The following TMC2 variants were observed in gnomAD, a reference collection of about 807,000 sequenced individuals.
TMC2 encodes transmembrane channel-like protein 2.
TMC2 carries 102 observed loss-of-function variants against 105.9 expected under a neutral mutation model. The observed-to-expected ratio is 0.96, with a 90% CI of 0.82 to 1.14. TMC2 has a LOEUF of 1.14. TMC2 is among the 50% of genes most tolerant of loss of function. TMC2 has a pLI of 0.00. For synonymous variants in TMC2, 402 were observed against 422.8 expected (o/e 0.95, Z 0.60); for missense variants, 1,093 against 1,134.3 (o/e 0.96, Z 0.52).
chr20:2,579,367 T>C (rs1425377898), intron 6 of TMC2, 140 bp downstream of exon 6: 1 of 358,392 alleles, frequency 2.8e-6, no homozygotes, highest in African/African-American at 2.1e-5. Flanking sequence ...TTTGAACTTG[T>C]CAGGCCAAGA....
At chr20:2,562,354 C>T (rs2086033328) in intron 4 of TMC2, among the ~76,000 whole-genome samples, 1 of 152,254 alleles carries the variant, frequency 6.6e-6, no homozygotes, top group African/African-American at 2.4e-5. Context: ...GCTTTCTAGA[C>T]CCCTTCTCCT....
In TMC2 at chr20:2,617,235, G is replaced by A; in HGVS notation, c.2104G>A (p.Val702Met). 6.2e-7 allele frequency: 1 copy of A among 1,614,176 alleles called. No homozygotes were observed. The highest frequency in any genetic ancestry group is 8.5e-7 in the Non-Finnish European group (1 of 1,180,028). Reference sequence around the variant, plus strand: ...CTTCTACATGGGCCTCCTGCTGCTGGTGCTCTTCCTCAGCCTCCTGCCGGT... The same window carrying A: ...CTTCTACATGGGCCTCCTGCTGCTGATGCTCTTCCTCAGCCTCCTGCCGGT... ...NNFYMGLLLL[V>M]LFLSLLPVAY... Residue 702 changes from valine (V) to methionine (M), a missense_variant, in exon 16 of 20, where the codon GTG becomes ATG. Physicochemically the swap from Val to Met is conservative, Grantham distance 21. Transcript: ENST00000358864.
At chr20:2,572,307 T>G in intron 5 of TMC2, 38 bp downstream of exon 5, 1 of 1,515,626 alleles carries the variant, frequency 6.6e-7, no homozygotes, top group Non-Finnish European at 9.1e-7. Flanking sequence ...TTGGGAGGGC[T>G]TGCTCAGCTT....
chr20:2,541,631 ACT>A (rs2085890311), intron 2 of TMC2, among the ~76,000 whole-genome samples: 2 of 150,508 alleles, frequency 1.3e-5, no homozygotes, highest in African/African-American at 4.9e-5. Flanking sequence ...ACAGAGCAAG[ACT>A]CTGTCTCAAA....
At chr20:2,596,165 CCT>C (rs1461906427) in intron 9 of TMC2, among the ~76,000 whole-genome samples, 8 of 152,196 alleles carry the variant, frequency 5.3e-5, no homozygotes, top group African/African-American at 1.4e-4. Flanking sequence ...TTATAGCACC[CCT>C]GTTTGGAATT....
At position 2,558,366 on chromosome 20, in the gene TMC2, A is replaced by C; in HGVS notation, c.83-90A>C. 2 of 1,528,244 alleles carry C rather than the reference A, an allele frequency of 1.3e-6. No homozygotes were observed. Among genetic ancestry groups the C allele is most frequent in the Non-Finnish European group, 1.8e-6 (2 of 1,136,718 alleles). 94.7% of individuals were successfully genotyped at this position (1,528,244 alleles called of 1,614,324 possible). On this transcript the variant is annotated intron_variant, in intron 2 of 19. Coordinates refer to ENST00000358864, the MANE Select transcript of TMC2 (RefSeq NM_080751.3). The surrounding 1 kb of genome is among the most constrained non-coding windows in gnomAD (Gnocchi z 4.6). ...GCAGAGCTCACAAGCTCTCGGAATCATCTTGGACGTCTGATTTCTCACGGC... is the reference window on the plus strand; with the variant it reads ...GCAGAGCTCACAAGCTCTCGGAATCCTCTTGGACGTCTGATTTCTCACGGC...
chr20:2,591,835 C>T (rs2086271474), intron 7 of TMC2, among the ~76,000 whole-genome samples: 1 of 152,130 alleles, frequency 6.6e-6, no homozygotes, highest in Non-Finnish European at 1.5e-5. Context: ...CTCTTAAAAT[C>T]AGGAAAGCGA....
intron 2 of TMC2, among the ~76,000 whole-genome samples, chr20:2,539,990 C>CTTTTTTTTTTTTT (rs57860432): frequency 7.8e-5 from 9 of 115,106 alleles, no homozygotes; most frequent in Non-Finnish European, 1.2e-4. Context: ...CTTTTCTTTT[C>CTTTTTTTTTTTTT]TTTTTTTTTT....
intron 19 of TMC2, 114 bp from the exon 20 acceptor site, chr20:2,641,020 A>T: frequency 1.1e-6 from 1 of 881,044 alleles, no homozygotes; most frequent in Non-Finnish European, 1.8e-6. Flanking sequence ...GACAGCTCTC[A>T]CATCACCAAA....
At chr20:2,569,496 A>C (rs1368412602) in intron 4 of TMC2, among the ~76,000 whole-genome samples, 5 of 152,214 alleles carry the variant, frequency 3.3e-5, no homozygotes, top group African/African-American at 1.2e-4. Context: ...ATGATGGTTC[A>C]ACTTACAATT....
chr20:2,592,181 A>G lies in TMC2; in HGVS notation c.835-129A>G. The G allele has an allele frequency of 1.8e-6, 1 of 568,292 alleles. No individual in the cohort carries two copies. The highest frequency in any genetic ancestry group is 3.1e-6 in the Non-Finnish European group (1 of 320,918). The allele number at this position is 568,292 out of a possible 1,614,324, so 35.2% of individuals were successfully genotyped here. On this transcript the variant is annotated intron_variant, in intron 7 of 19. Coordinates refer to ENST00000358864, the MANE Select transcript of TMC2 (RefSeq NM_080751.3). The surrounding 1 kb of genome is among the most constrained non-coding windows in gnomAD (Gnocchi z 4.9). ...AAATAAAAAATGAATTAAATTAATA[A>G]ATACATAAAGAAAGAAGAAAATAGG...
intron 2 of TMC2, among the ~76,000 whole-genome samples, chr20:2,540,656 CA>C (rs10657326): frequency 1.2e-3 from 132 of 108,388 alleles, no homozygotes; most frequent in South Asian, 1.9e-3. Flanking sequence ...GAGGGACTCT[CA>C]AAAAAAAAAA....
chr20:2,631,961 C>A (rs760147552), intron 17 of TMC2, among the ~76,000 whole-genome samples: 14 of 151,528 alleles, frequency 9.2e-5, no homozygotes, highest in Non-Finnish European at 1.6e-4. Context: ...TTACCTCATT[C>A]TTTTTTCTTT....
At chr20:2,551,428 G>T in intron 2 of TMC2, among the ~76,000 whole-genome samples, 1 of 150,288 alleles carries the variant, frequency 6.7e-6, no homozygotes, top group African/African-American at 2.4e-5. Context: ...TCTTCACAGT[G>T]TCTTTTGCAG....
At chr20:2,624,459 T>G in intron 17 of TMC2, 63 bp downstream of exon 17, 1 of 1,561,556 alleles carries the variant, frequency 6.4e-7, no homozygotes, top group Non-Finnish European at 8.7e-7. Context: ...TGAGACTTCC[T>G]TGGCAGGTCC....
rs772500606 is a variant in TMC2 at position 2,636,006 on chromosome 20, T to C, written c.2385+2T>C. 1.2e-5 allele frequency: 20 copies of C among 1,613,258 alleles called. No individual in the cohort carries two copies. Among genetic ancestry groups the C allele is most frequent in the Admixed American group, 1.7e-5 (1 of 59,986 alleles). ...CAGCTGAGGAAGAAAATCCAAGTGG[T>C]GAGTCTGTTGGGAGTTTCATCCTGG... On this transcript the variant is annotated splice_donor_variant, in intron 18 of 19. Transcript: ENST00000358864. LOFTEE classifies it high-confidence loss of function.
Position 2,641,653 on chromosome 20 carries a change from G to A in TMC2, c.*302G>A, listed in dbSNP as rs568873461. ...TGGTCGACCTTGCCTCCCGATTTTCGGAGTTGGGGAAGGGCCATGACCACC... is the reference window on the plus strand; with the variant it reads ...TGGTCGACCTTGCCTCCCGATTTTCAGAGTTGGGGAAGGGCCATGACCACC... On this transcript the variant is annotated 3_prime_UTR_variant, in exon 20 of 20. Transcript: ENST00000358864. The A allele has an allele frequency of 2.2e-5, 7 of 318,176 alleles. No homozygotes were observed. The highest frequency in any genetic ancestry group is 1.1e-4 in the South Asian group (2 of 17,594). The allele number at this position is 318,176 out of a possible 1,614,324, so 19.7% of individuals were successfully genotyped here.
At chr20:2,589,316 G>GTGTGTGTGTC (rs1202745650) in intron 7 of TMC2, among the ~76,000 whole-genome samples, 6 of 150,466 alleles carry the variant, frequency 4.0e-5, no homozygotes, top group African/African-American at 1.2e-4. Context: ...GTGTGTGTGT[G>GTGTGTGTGTC]TGTGTGTGGA....
rs745736188 is a variant in TMC2 at position 2,545,904 on chromosome 20, GAA to G, written c.82+8594_82+8595del. Among the ~76,000 whole-genome samples the G allele has an allele frequency of 1.5e-3, 165 of 106,778 alleles. 1 individual carries two copies. The highest frequency in any genetic ancestry group is 4.4e-3 in the African/African-American group (122 of 27,546). The allele number at this position is 106,778 out of a possible 152,430, so 70.1% of individuals were successfully genotyped here. Reference sequence around the variant, plus strand: ...AAAAGAAAGAAATGAAAGAAAGAAAGAAAAAAAGAAAGAAATGAAAGAAAGAA... The same window carrying G: ...AAAAGAAAGAAATGAAAGAAAGAAAGAAAAAGAAAGAAATGAAAGAAAGAA... On this transcript the variant is annotated intron_variant, in intron 2 of 19. Transcript: ENST00000358864.
Sources: gnomAD v4.1 joint callset for allele counts (sites outside exome capture counted in the v4.1 genomes callset) on GRCh38, gnomAD v4.1.1 for gene constraint, Gnocchi (gnomAD v3.1) non-coding constraint, MANE v1.5 for transcripts, NCBI Gene and HGNC (gene_info 2026-07-23, HGNC 2026-07-21) for gene names.